The following FAM171A1 variants were observed in gnomAD, a reference collection of about 807,000 sequenced individuals.
The protein encoded by FAM171A1 is protein FAM171A1.
FAM171A1 carries 23 observed loss-of-function variants against 74.9 expected under a neutral mutation model. The observed-to-expected ratio is 0.31, with a 90% CI of 0.22 to 0.44. FAM171A1 has a LOEUF of 0.44. FAM171A1 is among the 20% of genes least tolerant of loss of function. The pLI, the probability that FAM171A1 is intolerant of heterozygous loss-of-function variation, is 1.00. For missense variants in FAM171A1, 1,162 were observed against 1,159.2 expected (o/e 1.00, Z -0.03); for synonymous variants, 527 against 505.7 (o/e 1.04, Z -0.57).
intron 1 of FAM171A1, among the ~76,000 whole-genome samples, chr10:15,369,764 G>A (rs1342603665): frequency 2.6e-5 from 4 of 152,232 alleles, no homozygotes. Context: ...TGTTAGCCGA[G>A]GAAAGGGGGT....
At chr10:15,282,041 G>C (rs891480015) in intron 2 of FAM171A1, among the ~76,000 whole-genome samples, 12 of 152,078 alleles carry the variant, frequency 7.9e-5, no homozygotes, top group African/African-American at 2.9e-4. Flanking sequence ...TCAGGGCCAA[G>C]CTTTTCATGT....
rs775234345 is a variant in FAM171A1, at chr10:15,214,479, G to A, written c.1109C>T (p.Ala370Val). 2.6e-5 allele frequency: 42 copies of A among 1,614,068 alleles called. No homozygotes were observed. In the African/African-American group the frequency reaches 4.0e-4, roughly 15 times the overall value. ...GGACAGCGGGCCAGGGAATTCTGAC[G>A]CTCGGCGTGAAAACAGCAAGTTAAT... The part of the protein sequence containing the change: ...SHINLLFSRR[A>V]SEFPGPLSVT... Residue 370 changes from alanine (A) to valine (V), a missense_variant, in exon 8 of 8, where the codon GCG (alanine) becomes GTG (valine). Ala to Val is a moderately conservative substitution (Grantham distance 64). Coordinates refer to ENST00000378116, the MANE Select transcript of FAM171A1 (RefSeq NM_001010924.2).
At chr10:15,268,260 C>A (rs1354327970) in intron 3 of FAM171A1, among the ~76,000 whole-genome samples, 2 of 152,114 alleles carry the variant, frequency 1.3e-5, no homozygotes, top group Admixed American at 6.5e-5. Context: ...GATTTGGTCA[C>A]CCTCACTTTG....
intron 1 of FAM171A1, among the ~76,000 whole-genome samples, chr10:15,331,859 G>GTGTATATATATATA (rs60559617): frequency 2.7e-4 from 12 of 44,934 alleles, no homozygotes; most frequent in Admixed American, 5.6e-4. Context: ...ATATATGTGT[G>GTGTATATATATATA]TATATATATG....
At chr10:15,331,791 GTGTGTGTATATATGTATATA>G (rs1835635223) in intron 1 of FAM171A1, among the ~76,000 whole-genome samples, 1 of 147,622 alleles carries the variant, frequency 6.8e-6, no homozygotes, top group Non-Finnish European at 1.5e-5. Flanking sequence ...GTATAGATGT[GTGTGTGTATATATGTATATA>G]TGTGGGTATA....
At chr10:15,269,982 C>A (rs1834801395) in intron 3 of FAM171A1, among the ~76,000 whole-genome samples, 1 of 152,206 alleles carries the variant, frequency 6.6e-6, no homozygotes. Flanking sequence ...GTGAGCGATG[C>A]AGAAGACGGG....
At chr10:15,356,160 A>G (rs1835929622) in intron 1 of FAM171A1, among the ~76,000 whole-genome samples, 2 of 151,878 alleles carry the variant, frequency 1.3e-5, no homozygotes, top group South Asian at 4.1e-4. Flanking sequence ...TTATAGCTGG[A>G]AAGTAAAATG....
At chr10:15,261,547 A>T (rs1397518267) in intron 3 of FAM171A1, among the ~76,000 whole-genome samples, 1 of 152,210 alleles carries the variant, frequency 6.6e-6, no homozygotes, top group Non-Finnish European at 1.5e-5. Flanking sequence ...CTTGATTATC[A>T]TAGTGTTTTA....
At chr10:15,277,621 C>T (rs1369055283) in intron 2 of FAM171A1, among the ~76,000 whole-genome samples, 2 of 152,174 alleles carry the variant, frequency 1.3e-5, no homozygotes, top group Non-Finnish European at 2.9e-5. Context: ...CTAATAAATG[C>T]CAGGGCTACG....
rs370025232 is a variant in FAM171A1, at chr10:15,254,816, C to T, written c.482G>A (p.Ser161Asn). Residue 161 changes from serine to asparagine, a missense_variant, in exon 4 of 8, where the codon AGC becomes AAC. Transcript: ENST00000378116. ...RRALRLPENT[S>N]YSDLTAFLTA... ...GAGAAACGCGGTCAGGTCACTGTAGCTGGTGTTCTCAGGCAACCTCAGAGC... is the reference window on the plus strand; with the variant it reads ...GAGAAACGCGGTCAGGTCACTGTAGTTGGTGTTCTCAGGCAACCTCAGAGC... 3 of 1,614,068 alleles carry T rather than the reference C, an allele frequency of 1.9e-6. No homozygotes were observed. Among genetic ancestry groups the T allele is most frequent in the Non-Finnish European group, 2.5e-6 (3 of 1,180,024 alleles).
intron 5 of FAM171A1, among the ~76,000 whole-genome samples, chr10:15,246,465 C>G (rs1424238641): frequency 6.6e-6 from 1 of 152,162 alleles, no homozygotes; most frequent in Non-Finnish European, 1.5e-5. Context: ...TCAAAAATCT[C>G]CCAATTATCT....
intron 1 of FAM171A1, among the ~76,000 whole-genome samples, chr10:15,353,295 A>G (rs1184784192): frequency 6.6e-6 from 1 of 152,228 alleles, no homozygotes; most frequent in Non-Finnish European, 1.5e-5. Context: ...CAATAGTTTG[A>G]CGCCGCCCTT....
intron 3 of FAM171A1, among the ~76,000 whole-genome samples, chr10:15,257,448 T>A (rs1019869969): frequency 2.0e-5 from 3 of 152,178 alleles, no homozygotes; most frequent in Non-Finnish European, 4.4e-5. Flanking sequence ...AGGGCCCTGG[T>A]GTCTCCCCCT....
At chr10:15,266,168 C>T (rs927383192) in intron 3 of FAM171A1, among the ~76,000 whole-genome samples, 7 of 152,316 alleles carry the variant, frequency 4.6e-5, no homozygotes, top group Admixed American at 6.5e-5. Flanking sequence ...CACAGAAGGC[C>T]TGGCACAGCT....
intron 4 of FAM171A1, among the ~76,000 whole-genome samples, chr10:15,252,355 T>C (rs993108420): frequency 1.3e-5 from 2 of 152,196 alleles, no homozygotes; most frequent in South Asian, 2.1e-4. Context: ...GCAGCCTCTC[T>C]GTTTCCATCC....
intron 1 of FAM171A1, among the ~76,000 whole-genome samples, chr10:15,314,187 G>C (rs1835396721): frequency 6.6e-6 from 1 of 152,116 alleles, no homozygotes; most frequent in Non-Finnish European, 1.5e-5. Context: ...CAAAACAGGA[G>C]GCACGTCGTG....
chr10:15,216,854 C>T (rs893384474), intron 6 of FAM171A1, among the ~76,000 whole-genome samples: 5 of 147,064 alleles, frequency 3.4e-5, no homozygotes, highest in Non-Finnish European at 6.0e-5. Context: ...AAAAACCCTA[C>T]AAAGTTTTAT....
chr10:15,230,067 A>T (rs532019382), intron 5 of FAM171A1, among the ~76,000 whole-genome samples: 1 of 152,370 alleles, frequency 6.6e-6, no homozygotes, highest in South Asian at 2.1e-4. Flanking sequence ...TACCAACTGT[A>T]TATATAGAAT....
chr10:15,248,682 C>T lies in FAM171A1; in HGVS notation c.711G>A (p.Arg237=). The change falls in exon 5 of 8, where the codon AGG becomes AGA. Residue 237 remains arginine (R), a synonymous_variant. Coordinates refer to ENST00000378116, the MANE Select transcript of FAM171A1 (RefSeq NM_001010924.2). ...GCCACGCCGCGACATAGGCATTGTG[C>T]CTCAGGCTGCTCTGCGTGGCCAGGG... ...TVPLATQSSL[R]HNAYVAAWRF... 6.2e-6 allele frequency: 10 copies of T among 1,612,376 alleles called. No individual in the cohort carries two copies. The highest frequency in any genetic ancestry group is 5.9e-6 in the Non-Finnish European group (7 of 1,179,208).
Sources: gnomAD v4.1 joint callset for allele counts (sites outside exome capture counted in the v4.1 genomes callset) on GRCh38, gnomAD v4.1.1 for gene constraint, MANE v1.5 for transcripts, NCBI Gene and HGNC (gene_info 2026-07-23, HGNC 2026-07-21) for gene names.